SATB2: variants seen among roughly 807,000 people sequenced by gnomAD.
SATB2 encodes SATB homeobox 2, also known as DNA-binding protein SATB2.
In SATB2, 1 loss-of-function variant was observed where a neutral mutation model predicts 73.4. The ratio of observed to expected loss-of-function variants is 0.01; its 90% CI spans 0.00 to 0.06. The LOEUF (loss-of-function observed/expected upper bound fraction) is 0.06. Among genes scored for constraint, SATB2 ranks in the 10% least tolerant of loss-of-function variants. SATB2 has a pLI of 1.00. For missense variants in SATB2, 459 were observed against 945.8 expected (o/e 0.49, Z 6.75); for synonymous variants, 397 against 367.0 (o/e 1.08, Z -0.93).
chr2:199,399,725 A>T (rs1690414555), intron 3 of SATB2, among the ~76,000 whole-genome samples: 1 of 152,080 alleles, frequency 6.6e-6, no homozygotes, highest in South Asian at 2.1e-4. Flanking sequence ...GGAGCAAGAG[A>T]AGCGGAGAGG....
intron 10 of SATB2, among the ~76,000 whole-genome samples, chr2:199,306,299 T>C (rs1281332457): frequency 1.3e-5 from 2 of 152,180 alleles, no homozygotes; most frequent in Admixed American, 6.5e-5. Flanking sequence ...CTTTGTATTT[T>C]GCTGACAGAC....
chr2:199,338,929 A>G (rs956410716), intron 7 of SATB2, among the ~76,000 whole-genome samples: 1 of 151,366 alleles, frequency 6.6e-6, no homozygotes, highest in Non-Finnish European at 1.5e-5. Flanking sequence ...AAAAAAAAAA[A>G]AAAAAAAGAA....
rs374857701 is a variant in SATB2, at chr2:199,427,276, C to A, written c.346+6062G>T. On this transcript the variant is annotated intron_variant, in intron 3 of 10. Transcript: ENST00000417098. Reference sequence around the variant, plus strand: ...AAAAATTCTGAATTAAAGCAGCAAACCTAAGTTTCAGAAAAGAATTTTTTT... The same window carrying A: ...AAAAATTCTGAATTAAAGCAGCAAAACTAAGTTTCAGAAAAGAATTTTTTT... Among the ~76,000 whole-genome samples the A allele has an allele frequency of 4.7e-4, 71 of 151,972 alleles. 1 individual carries two copies. The South Asian group carries it at 0.014, about 31-fold the overall frequency.
At chr2:199,416,457 A>T (rs955508258) in intron 3 of SATB2, among the ~76,000 whole-genome samples, 15 of 152,192 alleles carry the variant, frequency 9.9e-5, no homozygotes, top group African/African-American at 3.6e-4. Context: ...GGAGGACCAC[A>T]CATCTACTAG....
At chr2:199,328,473 G>C (rs566567432) in intron 8 of SATB2, among the ~76,000 whole-genome samples, 14 of 151,880 alleles carry the variant, frequency 9.2e-5, no homozygotes, top group African/African-American at 3.4e-4. Flanking sequence ...CCCAGGAGGC[G>C]GAGGCTGCAG....
rs184750239 is a variant in SATB2, at chr2:199,396,895, G to C, written c.347-15075C>G. ...TTTTATTTTTAAACTGGTTTTTGAA[G>C]CAGAGCATAAAATCTCAGAGGGAGA... On this transcript the variant is annotated intron_variant, in intron 3 of 10. Coordinates refer to ENST00000417098, the MANE Select transcript of SATB2 (RefSeq NM_001172509.2). 3.3e-5 allele frequency: 5 copies of C among 152,242 alleles called. No individual in the cohort carries two copies. The East Asian group carries it at 9.7e-4, about 29-fold the overall frequency. The allele number at this position is 152,242 out of a possible 1,614,324, so 9.4% of individuals were successfully genotyped here.
intron 10 of SATB2, among the ~76,000 whole-genome samples, chr2:199,301,946 C>T (rs146347482): frequency 6.6e-6 from 1 of 152,178 alleles, no homozygotes; most frequent in East Asian, 1.9e-4. Flanking sequence ...ATTCCCAGTT[C>T]CAGATTCAGA....
At chr2:199,303,302 G>A (rs1162394209) in intron 10 of SATB2, among the ~76,000 whole-genome samples, 1 of 152,136 alleles carries the variant, frequency 6.6e-6, no homozygotes, top group Admixed American at 6.5e-5. Context: ...TAAGACATGT[G>A]AAAATCTCAC....
chr2:199,280,164 G>T (rs116243634), intron 10 of SATB2, among the ~76,000 whole-genome samples: 28 of 152,258 alleles, frequency 1.8e-4, no homozygotes, highest in Non-Finnish European at 3.7e-4. Flanking sequence ...TTCTTACGCC[G>T]ATCTTTACTG....
intron 5 of SATB2, among the ~76,000 whole-genome samples, chr2:199,371,232 T>C (rs144310305): frequency 6.6e-6 from 1 of 152,288 alleles, no homozygotes; most frequent in Admixed American, 6.5e-5. Context: ...AACCCTACAT[T>C]AGACTGTTAA....
intron 10 of SATB2, among the ~76,000 whole-genome samples, chr2:199,279,972 C>G (rs776321046): frequency 1.3e-5 from 2 of 152,142 alleles, no homozygotes; most frequent in Non-Finnish European, 2.9e-5. Context: ...AAAACCCTGT[C>G]TCTACTAAAA....
intron 2 of SATB2, among the ~76,000 whole-genome samples, chr2:199,452,048 C>T (rs950785353): frequency 1.3e-5 from 2 of 151,950 alleles, no homozygotes; most frequent in African/African-American, 4.8e-5. Context: ...AAAAGCAAAT[C>T]TCTCTAAAAG....
intron 7 of SATB2, among the ~76,000 whole-genome samples, chr2:199,334,463 T>A (rs1479639918): frequency 6.6e-6 from 1 of 152,134 alleles, no homozygotes; most frequent in Non-Finnish European, 1.5e-5. Flanking sequence ...ATTTTACAGA[T>A]TAAAATTACA....
At chr2:199,355,733 T>C (rs1458314000) in intron 6 of SATB2, among the ~76,000 whole-genome samples, 1 of 152,152 alleles carries the variant, frequency 6.6e-6, no homozygotes, top group Non-Finnish European at 1.5e-5. Context: ...AAAGTACCGT[T>C]TTAAAACAAT....
At chr2:199,280,295 T>C (rs888421376) in intron 10 of SATB2, among the ~76,000 whole-genome samples, 7 of 152,182 alleles carry the variant, frequency 4.6e-5, no homozygotes, top group African/African-American at 1.4e-4. Flanking sequence ...CTTCGTAAGC[T>C]GAGGAGGATG....
chr2:199,340,628 A>G (rs966493728), intron 7 of SATB2, among the ~76,000 whole-genome samples: 1 of 152,210 alleles, frequency 6.6e-6, no homozygotes, highest in Non-Finnish European at 1.5e-5. Context: ...AATAATGAGT[A>G]TGGCAAATGT....
At chr2:199,426,942 T>G (rs1050787859) in intron 3 of SATB2, among the ~76,000 whole-genome samples, 23 of 151,940 alleles carry the variant, frequency 1.5e-4, no homozygotes, top group Non-Finnish European at 1.5e-5. Flanking sequence ...ATCACAATCT[T>G]GGCTCACTGC....
chr2:199,379,682 C>CTTTTT (rs71015899), intron 5 of SATB2, among the ~76,000 whole-genome samples: 26 of 108,202 alleles, frequency 2.4e-4, no homozygotes, highest in African/African-American at 7.5e-4. Flanking sequence ...CTTTTCTTTT[C>CTTTTT]TTTTTTTTTT....
Position 199,282,404 on chromosome 2 carries a change from C to T in SATB2, c.1741-9732G>A, listed in dbSNP as rs540868497. Among the ~76,000 whole-genome samples the T allele has an allele frequency of 2.0e-5, 3 of 152,092 alleles. No individual in the cohort carries two copies. The South Asian group carries it at 6.2e-4, about 32-fold the overall frequency. On this transcript the variant is annotated intron_variant, in intron 10 of 10. Transcript: ENST00000417098. ...GGGCACTGTATAACCTATAAGATGG[C>T]ATTGTATACACGTGGTAAGGAGAAG...
Sources: gnomAD v4.1 joint callset for allele counts (sites outside exome capture counted in the v4.1 genomes callset) on GRCh38, gnomAD v4.1.1 for gene constraint, MANE v1.5 for transcripts, NCBI Gene and HGNC (gene_info 2026-07-23, HGNC 2026-07-21) for gene names.